VPS13C: variants seen among roughly 807,000 people sequenced by gnomAD.
The protein encoded by VPS13C is intermembrane lipid transfer protein VPS13C.
In VPS13C, 358 loss-of-function variants were observed where a neutral mutation model predicts 456.8. That is an observed-to-expected ratio of 0.78 (90% CI 0.72 to 0.86). The LOEUF (loss-of-function observed/expected upper bound fraction) is 0.86. VPS13C is among the 40% of genes least tolerant of loss of function. The pLI is 0.00. For missense variants in VPS13C, 4,818 were observed against 4,385.4 expected (o/e 1.10, Z -2.79); for synonymous variants, 1,578 against 1,486.7 (o/e 1.06, Z -1.41).
intron 16 of VPS13C, among the ~76,000 whole-genome samples, chr15:61,996,777 G>A (rs2046395977): frequency 6.6e-6 from 1 of 150,636 alleles, no homozygotes; most frequent in Non-Finnish European, 1.5e-5. Flanking sequence ...GACAGAACTT[G>A]AAGATAGATC....
At chr15:62,046,084 A>G (rs1271152078) in intron 1 of VPS13C, among the ~76,000 whole-genome samples, 1 of 152,188 alleles carries the variant, frequency 6.6e-6, no homozygotes, top group Non-Finnish European at 1.5e-5. Flanking sequence ...CAAATTTTCT[A>G]AAATAAATTG....
In VPS13C at chr15:62,046,067, C is replaced by G. The variant is rs534196126; in HGVS notation, c.101-1812G>C. Among the ~76,000 whole-genome samples the G allele has an allele frequency of 2.0e-5, 3 of 152,120 alleles. No homozygotes were observed. In the East Asian group the frequency reaches 5.8e-4, roughly 29 times the overall value. On this transcript the variant is annotated intron_variant, in intron 1 of 84. Transcript: ENST00000644861. ...ATAAAGTTCATTTTCTGTGTACATA[C>G]AGTTCTCAAATTTTCTAAAATAAAT...
At chr15:61,878,825 C>G (rs1373978295) in intron 73 of VPS13C, 79 bp from the exon 74 acceptor site, 8 of 1,444,384 alleles carry the variant, frequency 5.5e-6, no homozygotes, top group Non-Finnish European at 7.3e-6. Context: ...AGTCCAGAAA[C>G]AAACCAAAAA....
At chr15:61,964,993 T>G in intron 30 of VPS13C, 132 bp from the exon 31 acceptor site, 1 of 815,410 alleles carries the variant, frequency 1.2e-6, no homozygotes, top group East Asian at 2.7e-5. Flanking sequence ...GAGTAAAAAG[T>G]GGAAGATTCA....
intron 37 of VPS13C, among the ~76,000 whole-genome samples, chr15:61,958,077 T>C (rs887940937): frequency 2.6e-5 from 4 of 152,070 alleles, no homozygotes; most frequent in African/African-American, 7.2e-5. Flanking sequence ...CATACACATA[T>C]ATTACCTTAA....
At chr15:61,945,998 C>T in intron 44 of VPS13C, 116 bp from the exon 45 acceptor site, 1 of 951,218 alleles carries the variant, frequency 1.1e-6, no homozygotes, top group Non-Finnish European at 1.5e-6. Flanking sequence ...TATATGAATT[C>T]AACATTAAAA....
At chr15:61,946,451 A>G (rs1280234357) in intron 43 of VPS13C, 41 bp from the exon 44 acceptor site, 1 of 1,452,386 alleles carries the variant, frequency 6.9e-7, no homozygotes, top group Non-Finnish European at 9.4e-7. Flanking sequence ...CACCCAATCC[A>G]CATGACTAAG....
intron 51 of VPS13C, among the ~76,000 whole-genome samples, chr15:61,929,130 G>A (rs773948426): frequency 1.3e-5 from 2 of 152,084 alleles, no homozygotes; most frequent in Admixed American, 6.5e-5. Context: ...AAGTCCCCGT[G>A]TTCTGCTTTA....
At chr15:62,022,131 T>C (rs1227329977) in intron 8 of VPS13C, among the ~76,000 whole-genome samples, 1 of 151,938 alleles carries the variant, frequency 6.6e-6, no homozygotes, top group Non-Finnish European at 1.5e-5. Context: ...CTGACTTCAA[T>C]TCCTTTGGAT....
chr15:61,854,297 C>T lies in VPS13C; in HGVS notation c.*160G>A. 1.5e-6 allele frequency: 1 copy of T among 685,518 alleles called. No homozygotes were observed. Among genetic ancestry groups the T allele is most frequent in the East Asian group, 2.6e-5 (1 of 37,806 alleles). The allele number at this position is 685,518 out of a possible 1,614,324, so 42.5% of individuals were successfully genotyped here. ...CATGGTTACAAAATTAGAGTAAAAA[C>T]TAAAAGGTGAAAAAACTAGAAAACC... On this transcript the variant is annotated 3_prime_UTR_variant, in exon 85 of 85. Coordinates refer to ENST00000644861, the MANE Select transcript of VPS13C (RefSeq NM_020821.3).
Position 62,033,014 on chromosome 15 carries a change from A to G in VPS13C, c.385+427T>C, listed in dbSNP as rs79451895. ...AATATCCTGTACAACACGAAGGGAG[A>G]TAGCTAGGACTAGAATTAAAGCAGC... On this transcript the variant is annotated intron_variant, in intron 5 of 84. Coordinates refer to ENST00000644861, the MANE Select transcript of VPS13C (RefSeq NM_020821.3). 1.1e-4 allele frequency among the ~76,000 whole-genome samples: 17 copies of G among 151,826 alleles called. No individual in the cohort carries two copies. The East Asian group carries it at 3.3e-3, about 29-fold the overall frequency.
chr15:61,956,665 G>T (rs2045009416), intron 37 of VPS13C, among the ~76,000 whole-genome samples: 1 of 151,996 alleles, frequency 6.6e-6, no homozygotes, highest in African/African-American at 2.4e-5. Context: ...TCACATAAAA[G>T]GATATCCAAA....
intron 18 of VPS13C, among the ~76,000 whole-genome samples, chr15:61,987,587 G>A (rs757849972): frequency 8.5e-5 from 13 of 152,078 alleles, no homozygotes; most frequent in African/African-American, 1.2e-4. Flanking sequence ...GGTGAGGGGC[G>A]GATTATGGGG....
intron 24 of VPS13C, among the ~76,000 whole-genome samples, 189 bp from the exon 25 acceptor site, chr15:61,974,606 A>C (rs1045159703): frequency 6.6e-6 from 1 of 152,158 alleles, no homozygotes; most frequent in Non-Finnish European, 1.5e-5. Flanking sequence ...TTTTCAGATA[A>C]TTTCAACATA....
At chr15:62,017,280 T>C (rs1187994667) in intron 9 of VPS13C, among the ~76,000 whole-genome samples, 1 of 152,198 alleles carries the variant, frequency 6.6e-6, no homozygotes, top group Non-Finnish European at 1.5e-5. Context: ...GCAGAAGCTC[T>C]TTAGTTAAAT....
intron 66 of VPS13C, among the ~76,000 whole-genome samples, chr15:61,902,612 C>A (rs1328129042): frequency 6.7e-6 from 1 of 149,256 alleles, no homozygotes; most frequent in East Asian, 1.9e-4. Context: ...ATCATTTCAA[C>A]AGATGCTAAA....
chr15:61,999,018 C>G (rs2046497950), intron 16 of VPS13C, among the ~76,000 whole-genome samples: 1 of 152,116 alleles, frequency 6.6e-6, no homozygotes, highest in Non-Finnish European at 1.5e-5. Flanking sequence ...ATGTGTTAAT[C>G]AACTATTTAT....
rs1893824549 is a variant in VPS13C, at chr15:61,854,933, T to C, written c.11098A>G (p.Lys3700Glu). 6.2e-7 allele frequency: 1 copy of C among 1,613,124 alleles called. No homozygotes were observed. Among genetic ancestry groups the C allele is most frequent in the Non-Finnish European group, 8.5e-7 (1 of 1,179,728 alleles). Residue 3700 changes from lysine to glutamate, a missense_variant, in exon 84 of 85, where the codon AAA becomes GAA. Physicochemically the swap from Lys to Glu is moderately conservative, Grantham distance 56 (BLOSUM62 1). This residue lies in a region of VPS13C where 261 missense variants were observed against 234.1 expected (regional missense o/e 1.11). Transcript: ENST00000644861. Reference sequence around the variant, plus strand: ...ACACAGCCTTGATTGGCACTGTCTTTTTTGTGGAACAGACCCTGTTCCTGT... The same window carrying C: ...ACACAGCCTTGATTGGCACTGTCTTCTTTGTGGAACAGACCCTGTTCCTGT... ...SVKEQGLFHK[K>E]DSANQGCVRK...
chr15:61,996,075 G>T (rs1367110861), intron 16 of VPS13C, among the ~76,000 whole-genome samples: 1 of 152,164 alleles, frequency 6.6e-6, no homozygotes, highest in Non-Finnish European at 1.5e-5. Flanking sequence ...GAAAACCCTG[G>T]CAGGGAAAGA....
Sources: gnomAD v4.1 joint callset for allele counts (sites outside exome capture counted in the v4.1 genomes callset) on GRCh38, gnomAD v4.1.1 for gene constraint, gnomAD v4.1.1 regional missense constraint, MANE v1.5 for transcripts, NCBI Gene and HGNC (gene_info 2026-07-23, HGNC 2026-07-21) for gene names.